The following MET variants were observed in gnomAD, a reference collection of about 807,000 sequenced individuals.
MET encodes hepatocyte growth factor receptor.
In MET, 48 loss-of-function variants were observed where a neutral mutation model predicts 133.1. The ratio of observed to expected loss-of-function variants is 0.36; its 90% CI spans 0.29 to 0.46. MET has a LOEUF of 0.46. Among genes scored for constraint, MET ranks in the 20% least tolerant of loss-of-function variants. MET has a pLI of 1.00. For synonymous variants in MET, 628 were observed against 616.5 expected (o/e 1.02, Z -0.28); for missense variants, 1,442 against 1,695.9 (o/e 0.85, Z 2.63).
At chr7:116,722,617 T>G (rs1584903247) in intron 2 of MET, among the ~76,000 whole-genome samples, 1 of 150,508 alleles carries the variant, frequency 6.6e-6, no homozygotes, top group Non-Finnish European at 1.5e-5. Context: ...CAGCGGCTGG[T>G]ACCGGTTGTT....
chr7:116,723,458 A>C (rs986281116), intron 2 of MET, among the ~76,000 whole-genome samples: 1 of 151,982 alleles, frequency 6.6e-6, no homozygotes, highest in African/African-American at 2.4e-5. Context: ...TAATTTGATC[A>C]TCTGAAGCCT....
intron 1 of MET, among the ~76,000 whole-genome samples, chr7:116,678,943 C>T (rs1796254429): frequency 6.6e-6 from 1 of 152,078 alleles, no homozygotes; most frequent in Non-Finnish European, 1.5e-5. Context: ...TTTTGCTAAG[C>T]GTCAATAAAC....
At position 116,792,456 on chromosome 7, in the gene MET, GACACACACACAC is replaced by G. The variant is rs56212730; in HGVS notation, c.3799-3164_3799-3153del. Among the ~76,000 whole-genome samples the G allele has an allele frequency of 3.3e-3, 270 of 80,730 alleles. 2 individuals are homozygous for G. The highest frequency in any genetic ancestry group is 0.018 in the Middle Eastern group (3 of 164). 53.0% of individuals were successfully genotyped at this position (80,730 alleles called of 152,430 possible). ...ACCCCCGACCCCCCCTCAACCGACA[GACACACACACAC>G]ACACACACACACACACACACACACA... is the stretch of plus-strand genomic sequence containing the variant. On this transcript the variant is annotated intron_variant, in intron 19 of 20. Coordinates refer to ENST00000397752, the MANE Select transcript of MET (RefSeq NM_000245.4).
At chr7:116,762,009 TG>T (rs1794417487) in intron 10 of MET, among the ~76,000 whole-genome samples, 1 of 152,170 alleles carries the variant, frequency 6.6e-6, no homozygotes, top group Non-Finnish European at 1.5e-5. Context: ...GTCTTTTCCT[TG>T]GGGGAAAAAT....
At chr7:116,680,167 A>C (rs974392372) in intron 1 of MET, among the ~76,000 whole-genome samples, 2 of 152,190 alleles carry the variant, frequency 1.3e-5, no homozygotes, top group African/African-American at 2.4e-5. Context: ...TACTAAATAC[A>C]TTATCATTAC....
rs2116828048 is a variant in MET at position 116,740,063 on chromosome 7, A to T, written c.1506A>T (p.Thr502=). ...VEHTLNQNGY[T]LVITGKKITK... ...ATACATTAAACCAAAATGGCTACAC[A>T]CTGGTTATCACTGGGAAGAAGGTAA... Residue 502 remains threonine (T), a synonymous_variant, in exon 4 of 21, where the codon ACA becomes ACT. Transcript: ENST00000397752. 1 of 1,614,110 alleles carries T rather than the reference A, an allele frequency of 6.2e-7. No individual in the cohort carries two copies. The highest frequency in any genetic ancestry group is 8.5e-7 in the Non-Finnish European group (1 of 1,179,964).
intron 11 of MET, 142 bp from the exon 12 acceptor site, chr7:116,769,503 A>C (rs1383431312): frequency 9.8e-7 from 1 of 1,025,502 alleles, no homozygotes; most frequent in East Asian, 2.5e-5. Flanking sequence ...CCCAATTCCC[A>C]TGAAAATTAG....
chr7:116,682,535 A>G (rs1303708620), intron 1 of MET, among the ~76,000 whole-genome samples: 1 of 152,238 alleles, frequency 6.6e-6, no homozygotes, highest in African/African-American at 2.4e-5. Context: ...ATAAGGGCCC[A>G]TAGACCTGAT....
intron 5 of MET, among the ~76,000 whole-genome samples, chr7:116,755,051 A>AAGAAAGAAAAGAAAG (rs1794126725): frequency 6.6e-6 from 1 of 152,060 alleles, no homozygotes; most frequent in African/African-American, 2.4e-5. Flanking sequence ...AAAAGAAAGA[A>AAGAAAGAAAAGAAAG]AGAACGGAAG....
chr7:116,723,867 G>C (rs1792611199), intron 2 of MET, among the ~76,000 whole-genome samples: 1 of 152,202 alleles, frequency 6.6e-6, no homozygotes, highest in Non-Finnish European at 1.5e-5. Context: ...CATGCTGGGA[G>C]AACCACTGCT....
At chr7:116,754,897 A>AAGAG (rs1219473635) in intron 5 of MET, among the ~76,000 whole-genome samples, 3 of 34,992 alleles carry the variant, frequency 8.6e-5, no homozygotes, top group East Asian at 1.9e-3. Flanking sequence ...GAAAGAGAGA[A>AAGAG]AGAAAGAAAG....
In MET at chr7:116,772,035, C is replaced by T. The variant is rs753722970; in HGVS notation, c.3028+46C>T. ...CTGAGAAATACCTATACATATACCT[C>T]AGTGGGTTGTGACATTGTTGTTTAT... is the stretch of plus-strand genomic sequence containing the variant. On this transcript the variant is annotated intron_variant, in intron 14 of 20. Coordinates refer to ENST00000397752, the MANE Select transcript of MET (RefSeq NM_000245.4). 7 of 1,601,114 alleles carry T rather than the reference C, an allele frequency of 4.4e-6. No homozygotes were observed. In the South Asian group the frequency reaches 5.5e-5, roughly 13 times the overall value.
intron 2 of MET, among the ~76,000 whole-genome samples, chr7:116,716,857 C>T (rs1425719355): frequency 6.6e-6 from 1 of 152,202 alleles, no homozygotes; most frequent in Non-Finnish European, 1.5e-5. Flanking sequence ...TGGCCGGATG[C>T]CTGCTTATGC....
At chr7:116,714,381 A>G (rs536296089) in intron 2 of MET, among the ~76,000 whole-genome samples, 51 of 152,294 alleles carry the variant, frequency 3.3e-4, no homozygotes, top group Admixed American at 2.0e-3. Context: ...TTCTGCTCCA[A>G]GTATTTATCT....
chr7:116,745,730 G>T (rs374470641), intron 5 of MET, among the ~76,000 whole-genome samples: 3 of 152,202 alleles, frequency 2.0e-5, no homozygotes, highest in Middle Eastern at 3.4e-3. Flanking sequence ...TAGCCATATG[G>T]AGAAAGCTGA....
intron 19 of MET, among the ~76,000 whole-genome samples, chr7:116,784,710 C>T (rs1795258168): frequency 6.6e-6 from 1 of 152,148 alleles, no homozygotes; most frequent in South Asian, 2.1e-4. Context: ...TGGGTGGGAA[C>T]ACAGAGTCAA....
At chr7:116,743,429 G>T (rs954543426) in intron 5 of MET, among the ~76,000 whole-genome samples, 1 of 152,206 alleles carries the variant, frequency 6.6e-6, no homozygotes, top group East Asian at 1.9e-4. Context: ...AAGTGGTCTA[G>T]CTCAGTGGAT....
At chr7:116,679,694 G>T (rs1221498435) in intron 1 of MET, among the ~76,000 whole-genome samples, 2 of 152,180 alleles carry the variant, frequency 1.3e-5, no homozygotes, top group Non-Finnish European at 2.9e-5. Flanking sequence ...AATAAGAGTG[G>T]TGTTGGGTAT....
chr7:116,694,350 T>C (rs1796883396), intron 1 of MET, among the ~76,000 whole-genome samples: 1 of 152,216 alleles, frequency 6.6e-6, no homozygotes, highest in South Asian at 2.1e-4. Flanking sequence ...GTCCCATTTT[T>C]TTCTTTAATT....
Sources: allele counts gnomAD v4.1 joint callset (sites outside exome capture counted in the v4.1 genomes callset), GRCh38; gene constraint gnomAD v4.1.1; transcripts MANE v1.5; gene names NCBI Gene and HGNC (gene_info 2026-07-23, HGNC 2026-07-21).